TRIM3: variants seen among roughly 807,000 people sequenced by gnomAD.
TRIM3 encodes tripartite motif-containing protein 3.
TRIM3 carries 13 observed loss-of-function variants against 66.6 expected under a neutral mutation model. The ratio of observed to expected loss-of-function variants is 0.20; its 90% CI spans 0.13 to 0.31. TRIM3 has a LOEUF of 0.31. Ranked by LOEUF, TRIM3 falls within the 10% of genes least tolerant of loss-of-function variation. TRIM3 has a pLI of 1.00. For missense variants in TRIM3, 711 were observed against 1,020.4 expected (o/e 0.70, Z 4.13); for synonymous variants, 406 against 411.7 (o/e 0.99, Z 0.17).
At chr11:6,464,655 T>C (rs1850371015) in intron 2 of TRIM3, among the ~76,000 whole-genome samples, 1 of 152,196 alleles carries the variant, frequency 6.6e-6, no homozygotes, top group Non-Finnish European at 1.5e-5. Flanking sequence ...TAACAATGTA[T>C]CACATGTTCC....
chr11:6,449,564 C>T lies in TRIM3; in HGVS notation c.1942-118G>A. The T allele has an allele frequency of 2.1e-6, 2 of 961,636 alleles. No individual in the cohort carries two copies. Among genetic ancestry groups the T allele is most frequent in the Middle Eastern group, 3.1e-4 (1 of 3,226 alleles). The allele number at this position is 961,636 out of a possible 1,614,324, so 59.6% of individuals were successfully genotyped here. On this transcript the variant is annotated intron_variant, in intron 10 of 11. Coordinates refer to ENST00000345851, the MANE Select transcript of TRIM3 (RefSeq NM_033278.4). This position sits in a 1 kb window ranked among gnomAD's most constrained non-coding sequence, Gnocchi z 5.3. ...CCCCCACCCAGATCTACAGCTACAG[C>T]CCAAATCTGCTTCATAGGCTTCACA...
At position 6,449,193 on chromosome 11, in the gene TRIM3, T is replaced by A. The variant is rs368628123; in HGVS notation, c.2083-13A>T. On this transcript the variant is annotated splice_polypyrimidine_tract_variant and intron_variant, in intron 11 of 11. Transcript: ENST00000345851. The surrounding 1 kb of genome is among the most constrained non-coding windows in gnomAD (Gnocchi z 5.3). ...AGCTGTCGAATACCTGGGGAAGGAG[T>A]GCAGAAAGGAGGGAGAGGCAAGATC... 1 of 1,612,626 alleles carries A rather than the reference T, an allele frequency of 6.2e-7. No individual in the cohort carries two copies. Among genetic ancestry groups the A allele is most frequent in the Admixed American group, 1.7e-5 (1 of 59,944 alleles).
At chr11:6,465,778 C>T in intron 1 of TRIM3, 46 bp from the exon 2 acceptor site, 1 of 1,551,536 alleles carries the variant, frequency 6.4e-7, no homozygotes, top group South Asian at 1.1e-5. Flanking sequence ...AACTTCTTCT[C>T]CCCACCCAAT....
chr11:6,466,132 C>A (rs973271994), intron 1 of TRIM3, among the ~76,000 whole-genome samples: 2 of 152,208 alleles, frequency 1.3e-5, no homozygotes, highest in Admixed American at 6.5e-5. Context: ...TCCCCCAAAT[C>A]CTCCTCCAAG....
Position 6,448,722 on chromosome 11 carries a change from G to C in TRIM3, c.*306C>G. 1.6e-6 allele frequency: 1 copy of C among 611,348 alleles called. No homozygotes were observed. Among genetic ancestry groups the C allele is most frequent in the Non-Finnish European group, 2.9e-6 (1 of 343,762 alleles). 37.9% of individuals were successfully genotyped at this position (611,348 alleles called of 1,614,324 possible). ...AGGGACTCCTGTCCTGGGGTAGGCTGTTCTGGCCCCAGGCTGGGGGATGGG... is the reference window on the plus strand; with the variant it reads ...AGGGACTCCTGTCCTGGGGTAGGCTCTTCTGGCCCCAGGCTGGGGGATGGG... On this transcript the variant is annotated 3_prime_UTR_variant, in exon 12 of 12. Transcript: ENST00000345851.
intron 7 of TRIM3, chr11:6,452,438 T>C (rs1849765400): frequency 6.6e-6 from 1 of 152,312 alleles, no homozygotes; most frequent in Non-Finnish European, 1.5e-5. Context: ...AGGAGCAGCC[T>C]TGGAGAACTC....
intron 1 of TRIM3, among the ~76,000 whole-genome samples, chr11:6,467,404 AAAGG>A (rs1850512062): frequency 6.6e-6 from 1 of 152,200 alleles, no homozygotes; most frequent in Non-Finnish European, 1.5e-5. Context: ...CAAGTCAATA[AAAGG>A]AAGAGGTGAG....
At chr11:6,454,205 C>T (rs1041119433) in intron 7 of TRIM3, among the ~76,000 whole-genome samples, 2 of 151,902 alleles carry the variant, frequency 1.3e-5, no homozygotes, top group African/African-American at 4.8e-5. Context: ...ATAGTGAAAC[C>T]CCGTCTTTAC....
chr11:6,455,982 A>C, intron 7 of TRIM3, 90 bp downstream of exon 7: 1 of 1,281,246 alleles, frequency 7.8e-7, no homozygotes, highest in Middle Eastern at 2.1e-4. Flanking sequence ...TCCATCTTCC[A>C]GGAGGTGACC....
chr11:6,473,628 G>A (rs1249823130), intron 1 of TRIM3, among the ~76,000 whole-genome samples, 163 bp downstream of exon 1: 8 of 151,960 alleles, frequency 5.3e-5, no homozygotes, highest in Non-Finnish European at 1.0e-4. Context: ...GCCACAGCCC[G>A]AAGAATCCCC....
chr11:6,449,001 C>T lies in TRIM3; in HGVS notation c.*27G>A, dbSNP rs373644501. 2 of 1,611,448 alleles carry T rather than the reference C, an allele frequency of 1.2e-6. No homozygotes were observed. Among genetic ancestry groups the T allele is most frequent in the Non-Finnish European group, 8.5e-7 (1 of 1,177,728 alleles). ...CCAATCACCCCAATGTCTGTCCCTC[C>T]ACAAGCCAGGCAGGGCCTCTGTACA... On this transcript the variant is annotated 3_prime_UTR_variant, in exon 12 of 12. Transcript: ENST00000345851. The surrounding 1 kb of genome is among the most constrained non-coding windows in gnomAD (Gnocchi z 5.3).
intron 7 of TRIM3, 145 bp from the exon 8 acceptor site, chr11:6,451,583 A>C: frequency 4.9e-6 from 4 of 821,976 alleles, no homozygotes; most frequent in Non-Finnish European, 7.6e-6. Flanking sequence ...AAAATCAAAC[A>C]TGGCAGCAGG....
intron 1 of TRIM3, chr11:6,473,236 G>C (rs1850768107): frequency 6.6e-6 from 1 of 152,442 alleles, no homozygotes; most frequent in Admixed American, 6.6e-5. Context: ...AGGAGAACCA[G>C]AGGGGTCCTT....
At position 6,449,944 on chromosome 11, in the gene TRIM3, G is replaced by A. The variant is rs1849651773; in HGVS notation, c.1942-498C>T. ...CAGCCTGAGTGATCTAAGACACACAGGACTGCATCACTCCCCTGCCTGCAA... is the reference window on the plus strand; with the variant it reads ...CAGCCTGAGTGATCTAAGACACACAAGACTGCATCACTCCCCTGCCTGCAA... On this transcript the variant is annotated intron_variant, in intron 10 of 11. Transcript: ENST00000345851. This position sits in a 1 kb window ranked among gnomAD's most constrained non-coding sequence, Gnocchi z 5.3. The A allele has an allele frequency of 6.2e-6, 1 of 162,338 alleles. No individual in the cohort carries two copies. Among genetic ancestry groups the A allele is most frequent in the African/African-American group, 2.4e-5 (1 of 41,534 alleles). 10.1% of individuals were successfully genotyped at this position (162,338 alleles called of 1,614,324 possible). A position where few individuals can be genotyped will look rare whatever the true frequency, so the allele number is the denominator to read the frequency against.
rs1849698134 is a variant in TRIM3, at chr11:6,451,077, T to C, written c.1702-17A>G. The C allele has an allele frequency of 6.2e-7, 1 of 1,613,264 alleles. No individual in the cohort carries two copies. The highest frequency in any genetic ancestry group is 8.5e-7 in the Non-Finnish European group (1 of 1,179,326). On this transcript the variant is annotated splice_polypyrimidine_tract_variant and intron_variant, in intron 8 of 11. Transcript: ENST00000345851. ...AATCTTGGTCTGGAGGAAGAGAATA[T>C]CCATAAGAGGCTTTATTCTGACAGT...
intron 1 of TRIM3, among the ~76,000 whole-genome samples, chr11:6,472,618 G>T: frequency 6.6e-6 from 1 of 152,222 alleles, no homozygotes; most frequent in Admixed American, 6.5e-5. Context: ...GGCTGTGGCA[G>T]TACCTGGCAC....
chr11:6,456,415 G>A lies in TRIM3; in HGVS notation c.1311C>T (p.Ser437=). The part of the protein sequence containing the change: ...SPDDVKRRVK[S]PGGPGSHVRQ... ...GCACATGGCTGCCGGGGCCGCCAGGGGACTTGACACGGCGCTTCACATCGT... is the reference window on the plus strand; with the variant it reads ...GCACATGGCTGCCGGGGCCGCCAGGAGACTTGACACGGCGCTTCACATCGT... Residue 437 remains serine, a synonymous_variant, in exon 6 of 12, where the codon TCC becomes TCT. Transcript: ENST00000345851. The surrounding 1 kb of genome is among the most constrained non-coding windows in gnomAD (Gnocchi z 6.4). 1.3e-6 allele frequency: 2 copies of A among 1,532,306 alleles called. No homozygotes were observed. The highest frequency in any genetic ancestry group is 1.8e-6 in the Non-Finnish European group (2 of 1,137,234). 94.9% of individuals were successfully genotyped at this position (1,532,306 alleles called of 1,614,324 possible). A position where few individuals can be genotyped will look rare whatever the true frequency, so the allele number is the denominator to read the frequency against.
Position 6,456,270 on chromosome 11 carries a change from T to A in TRIM3, c.1429+27A>T. ...CCACCCACTACCTGAGCCTGGCCCA[T>A]CTGGCTCTGCCCTCGGCTGTCTGTA... On this transcript the variant is annotated intron_variant, in intron 6 of 11. Transcript: ENST00000345851. The surrounding 1 kb of genome is among the most constrained non-coding windows in gnomAD (Gnocchi z 6.4). 1 of 1,584,744 alleles carries A rather than the reference T, an allele frequency of 6.3e-7. No homozygotes were observed. Among genetic ancestry groups the A allele is most frequent in the Non-Finnish European group, 8.6e-7 (1 of 1,162,512 alleles).
Position 6,456,985 on chromosome 11 carries a change from G to A in TRIM3, c.741C>T (p.His247=), listed in dbSNP as rs1339762367. 1 of 1,605,996 alleles carries A rather than the reference G, an allele frequency of 6.2e-7. No homozygotes were observed. Among genetic ancestry groups the A allele is most frequent in the Non-Finnish European group, 8.5e-7 (1 of 1,177,736 alleles). Residue 247 remains histidine (H), a synonymous_variant, in exon 6 of 12, where the codon CAC becomes CAT. Transcript: ENST00000345851. This position sits in a 1 kb window ranked among gnomAD's most constrained non-coding sequence, Gnocchi z 6.4. Reference sequence around the variant, plus strand: ...CTGCAAAGCTGCAGCTACTGCCGATGTGTTCCTGACCCTGGCGCAGTGTGT... The same window carrying A: ...CTGCAAAGCTGCAGCTACTGCCGATATGTTCCTGACCCTGGCGCAGTGTGT... ...QLDTLRQGQE[H]IGSSCSFAEQ...
Sources: gnomAD v4.1 joint callset for allele counts (sites outside exome capture counted in the v4.1 genomes callset) on GRCh38, gnomAD v4.1.1 for gene constraint, Gnocchi (gnomAD v3.1) non-coding constraint, MANE v1.5 for transcripts, NCBI Gene and HGNC (gene_info 2026-07-23, HGNC 2026-07-21) for gene names.